UGT2B7: variants seen among roughly 807,000 people sequenced by gnomAD.
The protein encoded by UGT2B7 is UDP glucuronosyltransferase family 2 member B7, also known as UDP-glucuronosyltransferase 2B7.
A neutral mutation model predicts 51.9 loss-of-function variants in UGT2B7; 51 were observed. The observed-to-expected ratio is 0.98, with a 90% CI of 0.78 to 1.24. UGT2B7 has a LOEUF of 1.24. Among genes scored for constraint, UGT2B7 ranks in the 50% most tolerant of loss-of-function variants. The pLI, the probability that UGT2B7 is intolerant of heterozygous loss-of-function variation, is 0.00. For synonymous variants in UGT2B7, 225 were observed against 211.6 expected (o/e 1.06, Z -0.55); for missense variants, 727 against 628.4 (o/e 1.16, Z -1.68).
upstream of UGT2B7, among the ~76,000 whole-genome samples, chr4:69,096,096 A>G (rs534542916): frequency 1.3e-5 from 2 of 152,346 alleles, no homozygotes; most frequent in East Asian, 1.9e-4. Flanking sequence ...GATAAATAGT[A>G]TGATATTTAA....
intron 1 of UGT2B7, among the ~76,000 whole-genome samples, chr4:69,066,151 C>G (rs906944528): frequency 2.6e-5 from 4 of 152,166 alleles, no homozygotes; most frequent in Non-Finnish European, 4.4e-5. Context: ...CAATTTCACT[C>G]ATAGAACAAG....
At chr4:69,057,430 G>A (rs1718231834) in intron 1 of UGT2B7, among the ~76,000 whole-genome samples, 1 of 152,176 alleles carries the variant, frequency 6.6e-6, no homozygotes, top group East Asian at 1.9e-4. Context: ...ACTGAGTGAT[G>A]AGGTTTGTTT....
chr4:69,096,459 A>C, upstream of UGT2B7: 1 of 1,605,164 alleles, frequency 6.2e-7, no homozygotes, highest in South Asian at 1.1e-5. Context: ...ATCTTTGGAC[A>C]TAACCATGAG....
intron 1 of UGT2B7, among the ~76,000 whole-genome samples, chr4:69,078,799 T>C (rs191289009): frequency 4.3e-4 from 65 of 152,046 alleles, no homozygotes; most frequent in African/African-American, 1.6e-3. Context: ...CTATGGAAGG[T>C]GGGGACAAGT....
chr4:69,107,857 C>A (rs1044749010), intron 4 of UGT2B7, among the ~76,000 whole-genome samples: 2 of 152,010 alleles, frequency 1.3e-5, no homozygotes, highest in African/African-American at 4.8e-5. Context: ...TTTTTGAAAT[C>A]TAGAATGCAA....
At chr4:69,111,027 G>C (rs1037808949) in intron 5 of UGT2B7, among the ~76,000 whole-genome samples, 1 of 152,060 alleles carries the variant, frequency 6.6e-6, no homozygotes, top group African/African-American at 2.4e-5. Flanking sequence ...CTCTCTTAGA[G>C]GTAACATTAG....
chr4:69,064,094 A>AAGAAAG (rs1560499755), intron 1 of UGT2B7, among the ~76,000 whole-genome samples: 73 of 84,416 alleles, frequency 8.6e-4, no homozygotes, highest in Non-Finnish European at 9.7e-4. Flanking sequence ...GAAAGAAAGA[A>AAGAAAG]AGAGAAAGAA....
intron 1 of UGT2B7, among the ~76,000 whole-genome samples, chr4:69,075,931 C>T (rs1256151422): frequency 1.3e-5 from 2 of 151,892 alleles, no homozygotes; most frequent in Non-Finnish European, 2.9e-5. Flanking sequence ...CCACCCCTAG[C>T]CCCCCTCCCC....
chr4:69,077,466 G>A (rs1013626568), intron 1 of UGT2B7, among the ~76,000 whole-genome samples: 7 of 152,168 alleles, frequency 4.6e-5, no homozygotes, highest in South Asian at 2.1e-4. Flanking sequence ...TTCTTAAGCC[G>A]TGGTTTGTAG....
intron 1 of UGT2B7, among the ~76,000 whole-genome samples, chr4:69,097,614 C>G (rs543340267): frequency 6.6e-6 from 1 of 152,150 alleles, no homozygotes; most frequent in South Asian, 2.1e-4. Flanking sequence ...ACACATTTTT[C>G]TACAACTATC....
chr4:69,091,215 CA>C (rs1719077518), intron 2 of UGT2B7, among the ~76,000 whole-genome samples: 2 of 152,134 alleles, frequency 1.3e-5, no homozygotes, highest in Non-Finnish European at 2.9e-5. Context: ...TGATTCATAT[CA>C]AAATAGTCTT....
intron 1 of UGT2B7, among the ~76,000 whole-genome samples, 173 bp downstream of exon 1, chr4:69,097,414 C>T (rs1274929247): frequency 1.3e-5 from 2 of 152,040 alleles, no homozygotes; most frequent in African/African-American, 4.8e-5. Context: ...GCTTAAATTA[C>T]AGGGTCAGTT....
chr4:69,095,987 G>A (rs145423677), upstream of UGT2B7, among the ~76,000 whole-genome samples: 637 of 152,156 alleles, frequency 4.2e-3, 2 homozygotes, highest in African/African-American at 0.015. Context: ...GGACTATAGG[G>A]CTTATTTTGG....
chr4:69,052,579 A>G (rs1242859061), intron 1 of UGT2B7, among the ~76,000 whole-genome samples: 3 of 49,414 alleles, frequency 6.1e-5, no homozygotes, highest in African/African-American at 3.6e-4. Context: ...CAAAAAAAAA[A>G]AAAAAAAAAA....
At chr4:69,086,381 A>G (rs895913700) in intron 1 of UGT2B7, among the ~76,000 whole-genome samples, 1 of 151,796 alleles carries the variant, frequency 6.6e-6, no homozygotes, top group Non-Finnish European at 1.5e-5. Flanking sequence ...TTTAAGACTT[A>G]TTTTGACCTA....
chr4:69,052,983 T>A (rs1056976679), intron 1 of UGT2B7, among the ~76,000 whole-genome samples: 1 of 152,210 alleles, frequency 6.6e-6, no homozygotes, highest in African/African-American at 2.4e-5. Flanking sequence ...TGTGTAAACA[T>A]ATTAGCTAAA....
chr4:69,110,389 T>A (rs1419630770), intron 5 of UGT2B7, among the ~76,000 whole-genome samples: 1 of 152,104 alleles, frequency 6.6e-6, no homozygotes, highest in Non-Finnish European at 1.5e-5. Flanking sequence ...GAATCACAAC[T>A]ATGTCTCCAC....
At chr4:69,058,859 TGTGGGCATGGAA>T (rs1209420097) in intron 1 of UGT2B7, among the ~76,000 whole-genome samples, 4 of 152,096 alleles carry the variant, frequency 2.6e-5, no homozygotes, top group African/African-American at 9.7e-5. Context: ...GGTGGCGTGA[TGTGGGCATGGAA>T]GTGGGCATGG....
chr4:69,104,459 T>C (rs1187236237), intron 3 of UGT2B7, among the ~76,000 whole-genome samples: 1 of 152,108 alleles, frequency 6.6e-6, no homozygotes, highest in Middle Eastern at 3.2e-3. Flanking sequence ...AAAAATAAAC[T>C]TTATGGATAT....
Sources: gnomAD v4.1 joint callset for allele counts (sites outside exome capture counted in the v4.1 genomes callset) on GRCh38, gnomAD v4.1.1 for gene constraint, MANE v1.5 for transcripts, NCBI Gene and HGNC (gene_info 2026-07-23, HGNC 2026-07-21) for gene names.